Variants in YTHDF2 observed in about 807,000 individuals in gnomAD.
The protein encoded by YTHDF2 is YTH N6-methyladenosine RNA binding protein F2, also known as YTH domain-containing family protein 2.
A neutral mutation model predicts 50.4 loss-of-function variants in YTHDF2; 2 were observed. That is an observed-to-expected ratio of 0.04 (90% confidence interval 0.02 to 0.12). The LOEUF (loss-of-function observed/expected upper bound fraction) is 0.12. Among genes scored for constraint, YTHDF2 ranks in the 10% least tolerant of loss-of-function variants. The pLI, the probability that YTHDF2 is intolerant of heterozygous loss-of-function variation, is 1.00. For synonymous variants in YTHDF2, 217 were observed against 255.6 expected (o/e 0.85, Z 1.44); for missense variants, 483 against 722.6 (o/e 0.67, Z 3.80).
intron 1 of YTHDF2, 74 bp from the exon 2 acceptor site, chr1:28,737,584 G>A (rs924613555): frequency 1.2e-6 from 2 of 1,605,438 alleles, no homozygotes; most frequent in Non-Finnish European, 1.7e-6. Flanking sequence ...TTCGGGCCCT[G>A]CCTTAATTTG....
Position 28,742,483 on chromosome 1 carries a change from T to C in YTHDF2, c.213T>C (p.Gly71=). 6.2e-7 allele frequency: 1 copy of C among 1,613,574 alleles called. No homozygotes were observed. The highest frequency in any genetic ancestry group is 8.5e-7 in the Non-Finnish European group (1 of 1,179,784). The change falls in exon 4 of 5, where the codon GGT becomes GGC. Residue 71 remains glycine (G), a synonymous_variant. Coordinates refer to ENST00000373812, the MANE Select transcript of YTHDF2 (RefSeq NM_016258.3). ...SPSIGFSYSL[G]EAAWSTGGDT... ...CCATTGGCTTCTCCTATTCTTTGGG[T>C]GAAGCTGCTTGGTCTACGGGGGGTG...
rs2087820841 is a variant in YTHDF2 at position 28,744,122 on chromosome 1, A to C, written c.1716+136A>C. ...ACCTAACAGTTCAAGGCTTTATAGAAGTATAATTGGTTTTAATACTTGAAC... is the reference window on the plus strand; with the variant it reads ...ACCTAACAGTTCAAGGCTTTATAGACGTATAATTGGTTTTAATACTTGAAC... On this transcript the variant is annotated intron_variant, in intron 4 of 4. Coordinates refer to ENST00000373812, the MANE Select transcript of YTHDF2 (RefSeq NM_016258.3). 8.1e-6 allele frequency: 8 copies of C among 986,468 alleles called. No homozygotes were observed. In the East Asian group the frequency reaches 2.3e-4, roughly 28 times the overall value. 61.1% of individuals were successfully genotyped at this position (986,468 alleles called of 1,614,324 possible). A position where few individuals can be genotyped will look rare whatever the true frequency, so the allele number is the denominator to read the frequency against.
chr1:28,764,508 C>G (rs1176143095), intron 4 of YTHDF2, among the ~76,000 whole-genome samples: 1 of 148,096 alleles, frequency 6.8e-6, no homozygotes, highest in Non-Finnish European at 1.5e-5. Flanking sequence ...CTCCTGACCT[C>G]GTGATCCACC....
chr1:28,768,551 G>A (rs2088255285), intron 4 of YTHDF2, among the ~76,000 whole-genome samples: 1 of 152,110 alleles, frequency 6.6e-6, no homozygotes, highest in African/African-American at 2.4e-5. Context: ...TTTGAATTTA[G>A]GTCAGTCTGA....
rs771602114 is a variant in YTHDF2 at position 28,743,284 on chromosome 1, G to T, written c.1014G>T (p.Gln338His). Residue 338 changes from glutamine to histidine, a missense_variant, in exon 4 of 5, where the codon CAG (glutamine) becomes CAT (histidine). Around this residue, in one of 4 missense-constraint regions of YTHDF2, gnomAD observed 385 missense variants for 475.8 expected, o/e 0.81. Coordinates refer to ENST00000373812, the MANE Select transcript of YTHDF2 (RefSeq NM_016258.3). The surrounding 1 kb of genome is among the most constrained non-coding windows in gnomAD (Gnocchi z 6.9). ...PLPPPPPQPAQLSVQQQAAQP... is the reference protein window; with the variant it reads ...PLPPPPPQPAHLSVQQQAAQP... ...CTCCACCTCCACCACAGCCTGCCCA[G>T]CTTTCAGTCCAGCAACAGGCAGCTC... The T allele has an allele frequency of 3.7e-6, 6 of 1,614,160 alleles. No homozygotes were observed. The highest frequency in any genetic ancestry group is 1.7e-5 in the Admixed American group (1 of 60,016).
intron 4 of YTHDF2, among the ~76,000 whole-genome samples, chr1:28,755,695 G>A (rs1373727029): frequency 1.3e-5 from 2 of 152,170 alleles, no homozygotes; most frequent in Non-Finnish European, 2.9e-5. Flanking sequence ...GTTTCAGAAA[G>A]AGAACAAGGA....
chr1:28,753,707 T>C (rs983259582), intron 4 of YTHDF2, among the ~76,000 whole-genome samples: 4 of 150,888 alleles, frequency 2.7e-5, no homozygotes, highest in African/African-American at 4.9e-5. Context: ...TTTTATTCTT[T>C]TTTTTTTTTT....
At chr1:28,768,880 C>G (rs757619474) in intron 4 of YTHDF2, 49 bp from the exon 5 acceptor site, 1 of 1,472,866 alleles carries the variant, frequency 6.8e-7, no homozygotes, top group Non-Finnish European at 9.3e-7. Context: ...ATTCATAAAG[C>G]ATGTTCAGAT....
intron 4 of YTHDF2, among the ~76,000 whole-genome samples, chr1:28,748,471 A>G (rs10915194): frequency 0.38 from 57,151 of 152,018 alleles, 12,215 homozygotes; most frequent in East Asian, 0.77. Context: ...CTTAAACTTC[A>G]TCCTGAAGGT....
At position 28,737,068 on chromosome 1, in the gene YTHDF2, C is replaced by A; in HGVS notation, c.-53C>A. ...GCAGACGGGGCTCATCTGCCGCCGC[C>A]GCCGCGCTGAGGAGAGTTCGCCGCC... On this transcript the variant is annotated 5_prime_UTR_variant, in exon 1 of 5. Coordinates refer to ENST00000373812, the MANE Select transcript of YTHDF2 (RefSeq NM_016258.3). 1 of 1,563,536 alleles carries A rather than the reference C, an allele frequency of 6.4e-7. No homozygotes were observed. Among genetic ancestry groups the A allele is most frequent in the South Asian group, 1.2e-5 (1 of 85,640 alleles).
rs115238693 is a variant in YTHDF2 at position 28,740,671 on chromosome 1, T to G, written c.133-1732T>G. On this transcript the variant is annotated intron_variant, in intron 3 of 4. Transcript: ENST00000373812. ...AAATTTTAAATGTGAAAAGGGTATG[T>G]GTGAAAAGACCTCACTTTTGTTTTT... Among the ~76,000 whole-genome samples, 462 of 152,300 alleles carry G rather than the reference T, an allele frequency of 3.0e-3. 3 individuals carry two copies. The highest frequency in any genetic ancestry group is 0.011 in the African/African-American group (438 of 41,582).
chr1:28,767,665 C>T (rs1448524628), intron 4 of YTHDF2, among the ~76,000 whole-genome samples: 3 of 151,882 alleles, frequency 2.0e-5, no homozygotes, highest in Admixed American at 6.6e-5. Context: ...CCTACCACCA[C>T]GCCTGGCTAA....
chr1:28,749,179 CT>C (rs60729215), intron 4 of YTHDF2, among the ~76,000 whole-genome samples: 5,409 of 107,376 alleles, frequency 0.05, 43 homozygotes, highest in Non-Finnish European at 0.064. Flanking sequence ...TTCTTTCTTC[CT>C]TTTTTTTTTT....
At chr1:28,762,577 A>G (rs574507381) in intron 4 of YTHDF2, among the ~76,000 whole-genome samples, 5 of 152,350 alleles carry the variant, frequency 3.3e-5, no homozygotes, top group Non-Finnish European at 5.9e-5. Flanking sequence ...TAATGTTAAT[A>G]AAATTATATC....
chr1:28,760,271 TTGTGTGTGTGTGTGTG>T (rs28969505), intron 4 of YTHDF2, among the ~76,000 whole-genome samples: 6,849 of 147,276 alleles, frequency 0.047, 220 homozygotes, highest in East Asian at 0.14. Context: ...ACATAGTAGG[TTGTGTGTGTGTGTGTG>T]TGTGTGTGTG....
chr1:28,756,227 A>G (rs531689960), intron 4 of YTHDF2, among the ~76,000 whole-genome samples: 11 of 152,224 alleles, frequency 7.2e-5, no homozygotes, highest in Non-Finnish European at 1.2e-4. Context: ...TGTCTGAAAT[A>G]CAGAGTTGAA....
rs766128311 is a variant in YTHDF2 at position 28,742,291 on chromosome 1, G to A, written c.133-112G>A. ...ATTACAGGTGTGAGCCACCGCGTCC[G>A]GCCTGCACACTCCTTTTTATAGTAT... On this transcript the variant is annotated intron_variant, in intron 3 of 4. Coordinates refer to ENST00000373812, the MANE Select transcript of YTHDF2 (RefSeq NM_016258.3). 1.0e-3 allele frequency: 1,432 copies of A among 1,389,550 alleles called. 4 individuals are homozygous for A. Among genetic ancestry groups the A allele is most frequent in the Non-Finnish European group, 1.2e-3 (1,275 of 1,036,450 alleles). The allele number at this position is 1,389,550 out of a possible 1,614,324, so 86.1% of individuals were successfully genotyped here. A position where few individuals can be genotyped will look rare whatever the true frequency, so the allele number is the denominator to read the frequency against.
In YTHDF2 at chr1:28,737,080, G is replaced by GA. The variant is rs1557536712; in HGVS notation, c.-40dup. On this transcript the variant is annotated 5_prime_UTR_variant, in exon 1 of 5. Transcript: ENST00000373812. Reference sequence around the variant, plus strand: ...CATCTGCCGCCGCCGCCGCGCTGAGGAGAGTTCGCCGCCGTCGCCGCCCGT... The same window carrying GA: ...CATCTGCCGCCGCCGCCGCGCTGAGGAAGAGTTCGCCGCCGTCGCCGCCCGT... 3.8e-6 allele frequency: 6 copies of GA among 1,580,172 alleles called. No homozygotes were observed. The highest frequency in any genetic ancestry group is 5.2e-6 in the Non-Finnish European group (6 of 1,164,906).
At chr1:28,768,900 C>A in intron 4 of YTHDF2, 29 bp from the exon 5 acceptor site, 1 of 1,566,540 alleles carries the variant, frequency 6.4e-7, no homozygotes, top group Admixed American at 1.7e-5. Context: ...TAATTTTTAA[C>A]CATTTCAATT....
Sources: gnomAD v4.1 joint callset for allele counts (sites outside exome capture counted in the v4.1 genomes callset) on GRCh38, gnomAD v4.1.1 for gene constraint, gnomAD v4.1.1 regional missense constraint, Gnocchi (gnomAD v3.1) non-coding constraint, MANE v1.5 for transcripts, NCBI Gene and HGNC (gene_info 2026-07-23, HGNC 2026-07-21) for gene names.